RBPJ: variants seen among roughly 807,000 people sequenced by gnomAD.
The protein encoded by RBPJ is recombining binding protein suppressor of hairless.
In RBPJ, 9 loss-of-function variants were observed where a neutral mutation model predicts 67.8. The observed-to-expected ratio is 0.13, with a 90% CI of 0.08 to 0.23. RBPJ has a LOEUF of 0.23. Among genes scored for constraint, RBPJ ranks in the 10% least tolerant of loss-of-function variants. The pLI is 1.00. For missense variants in RBPJ, 305 were observed against 595.6 expected (o/e 0.51, Z 5.08); for synonymous variants, 198 against 203.3 (o/e 0.97, Z 0.22).
chr4:26,286,042 C>T (rs989153812), intron 1 of RBPJ, among the ~76,000 whole-genome samples: 6 of 152,142 alleles, frequency 3.9e-5, no homozygotes, highest in Admixed American at 6.6e-5. Context: ...TTCAAGGCTG[C>T]AGTGCGCTAT....
chr4:26,363,181 C>G (rs1046195016), intron 1 of RBPJ, among the ~76,000 whole-genome samples: 4 of 152,170 alleles, frequency 2.6e-5, no homozygotes, highest in African/African-American at 9.7e-5. Flanking sequence ...GCTCTGTCGT[C>G]TGAGCTGGAG....
intron 1 of RBPJ, among the ~76,000 whole-genome samples, chr4:26,382,951 A>G (rs1730473371): frequency 6.6e-6 from 1 of 152,214 alleles, no homozygotes; most frequent in Non-Finnish European, 1.5e-5. Flanking sequence ...CTTTAATGAG[A>G]TAAATAGGAA....
intron 1 of RBPJ, among the ~76,000 whole-genome samples, chr4:26,374,069 C>T (rs1471343137): frequency 2.0e-5 from 3 of 151,918 alleles, no homozygotes; most frequent in African/African-American, 7.3e-5. Flanking sequence ...CAGGTGCCCG[C>T]CACCGGCTTA....
At chr4:26,270,373 G>GAA (rs1433562329) in intron 1 of RBPJ, among the ~76,000 whole-genome samples, 1 of 37,834 alleles carries the variant, frequency 2.6e-5, no homozygotes, top group African/African-American at 9.2e-5. Context: ...AAGAAAGAAA[G>GAA]AAAGAAAGAA....
chr4:26,238,774 C>G (rs1370050945), intron 1 of RBPJ, among the ~76,000 whole-genome samples: 2 of 152,056 alleles, frequency 1.3e-5, no homozygotes, highest in Non-Finnish European at 2.9e-5. Flanking sequence ...GGGAGGATAT[C>G]TAGAGACAAG....
chr4:26,238,289 T>C (rs1377571245), intron 1 of RBPJ, among the ~76,000 whole-genome samples: 3 of 152,212 alleles, frequency 2.0e-5, no homozygotes, highest in African/African-American at 7.2e-5. Context: ...CTTGAACTTC[T>C]GGGCTCAAGT....
Position 26,254,665 on chromosome 4 carries a change from A to G in RBPJ, c.-167+91051A>G, listed in dbSNP as rs187493433. The stretch of plus-strand genomic sequence containing the variant: ...GCTAGATATGCTGTAAAAACATGCT[A>G]TATAGCATGTTTATTTTTAATTATT... On this transcript the variant is annotated intron_variant, in intron 1 of 4. Transcript: ENST00000512351. 1.3e-3 allele frequency among the ~76,000 whole-genome samples: 196 copies of G among 147,546 alleles called. 3 individuals carry two copies. Among genetic ancestry groups the G allele is most frequent in the Non-Finnish European group, 2.5e-3 (169 of 67,864 alleles).
intron 1 of RBPJ, among the ~76,000 whole-genome samples, chr4:26,328,468 A>ATT (rs1723886211): frequency 6.6e-6 from 1 of 152,154 alleles, no homozygotes; most frequent in South Asian, 2.1e-4. Context: ...GCTGTAACCG[A>ATT]TATTTAGTGT....
At chr4:26,214,037 C>T (rs1347223243) in intron 1 of RBPJ, among the ~76,000 whole-genome samples, 4 of 151,916 alleles carry the variant, frequency 2.6e-5, no homozygotes, top group African/African-American at 9.7e-5. Flanking sequence ...GTAATCCCAG[C>T]ATTCTGGGAA....
the RBPJ span, among the ~76,000 whole-genome samples, chr4:26,142,547 G>A: frequency 6.6e-6 from 1 of 152,324 alleles, no homozygotes; most frequent in East Asian, 1.9e-4. Flanking sequence ...CTATCGTGAA[G>A]GAATCTAAAT....
chr4:26,283,996 G>A (rs1046361268), intron 1 of RBPJ, among the ~76,000 whole-genome samples: 3 of 152,112 alleles, frequency 2.0e-5, no homozygotes, highest in Non-Finnish European at 4.4e-5. Flanking sequence ...GATTTAAGCT[G>A]GAGGCAAATG....
intron 1 of RBPJ, among the ~76,000 whole-genome samples, chr4:26,242,564 G>T (rs1719681727): frequency 6.6e-6 from 1 of 151,994 alleles, no homozygotes; most frequent in African/African-American, 2.4e-5. Context: ...ATACCAAGAT[G>T]CTGTTTGGCC....
chr4:26,109,444 CTCTCTCTCTCTCTCTCTATA>C, the RBPJ span, among the ~76,000 whole-genome samples: 12 of 28,434 alleles, frequency 4.2e-4, no homozygotes, highest in Non-Finnish European at 6.5e-4. Context: ...CTCTCTCTCT[CTCTCTCTCTCTCTCTCTATA>C]TATATATATA....
In RBPJ at chr4:26,206,676, A is replaced by AT. The variant is rs200413023; in HGVS notation, c.-167+43070dup. ...CAAATGCCATTGTTTATAAGATATA[A>AT]TTTTTTTTGGTTAAAGTTCAAAGTT... On this transcript the variant is annotated intron_variant, in intron 1 of 4. Transcript: ENST00000512351. Among the ~76,000 whole-genome samples the AT allele has an allele frequency of 1.5e-3, 224 of 150,620 alleles. 1 individual carries two copies. Among genetic ancestry groups the AT allele is most frequent in the Middle Eastern group, 6.8e-3 (2 of 292 alleles).
chr4:26,251,362 G>T (rs904272192), intron 1 of RBPJ, among the ~76,000 whole-genome samples: 7 of 152,128 alleles, frequency 4.6e-5, no homozygotes, highest in Non-Finnish European at 1.0e-4. Context: ...CAGGCAGGGT[G>T]CAGTGGCTCA....
chr4:26,429,765 CT>C, intron 8 of RBPJ, 132 bp from the exon 9 acceptor site: 8 of 733,274 alleles, frequency 1.1e-5, no homozygotes, highest in Non-Finnish European at 1.1e-5. Context: ...AAGCACCATA[CT>C]TTAGAAAGTT....
intron 1 of RBPJ, among the ~76,000 whole-genome samples, chr4:26,247,430 G>T (rs1311266759): frequency 6.6e-6 from 1 of 151,818 alleles, no homozygotes; most frequent in African/African-American, 2.4e-5. Flanking sequence ...GGTGGAGGGG[G>T]ACGGAGTTTC....
chr4:26,198,284 A>T (rs1717855485), intron 1 of RBPJ, among the ~76,000 whole-genome samples: 1 of 102,616 alleles, frequency 9.7e-6, no homozygotes. Flanking sequence ...AAACAAAAAA[A>T]CAAAAAATAC....
At chr4:26,320,710 C>A (rs767160686), upstream of RBPJ, 4 of 1,541,566 alleles carry the variant, frequency 2.6e-6, no homozygotes, top group Admixed American at 2.0e-5. Flanking sequence ...TCTCCACGTA[C>A]GTCCCTCAAA....
Sources: gnomAD v4.1 joint callset for allele counts (sites outside exome capture counted in the v4.1 genomes callset) on GRCh38, gnomAD v4.1.1 for gene constraint, MANE v1.5 for transcripts, NCBI Gene and HGNC (gene_info 2026-07-23, HGNC 2026-07-21) for gene names.